The following RMND5A variants were observed in gnomAD, a reference collection of about 807,000 sequenced individuals.
The protein encoded by RMND5A is E3 ubiquitin-protein transferase RMND5A.
In RMND5A, 17 loss-of-function variants were observed where a neutral mutation model predicts 49.7. The observed-to-expected ratio is 0.34, with a 90% CI of 0.23 to 0.51. The LOEUF (loss-of-function observed/expected upper bound fraction) is 0.51. Among genes scored for constraint, RMND5A ranks in the 20% least tolerant of loss-of-function variants. The pLI, the probability that RMND5A is intolerant of heterozygous loss-of-function variation, is 0.96. For synonymous variants in RMND5A, 156 were observed against 167.7 expected, an observed-to-expected ratio of 0.93 and a Z score of 0.54; for missense variants, 255 against 471.3, an observed-to-expected ratio of 0.54 and a Z score of 4.25.
intron 6 of RMND5A, among the ~76,000 whole-genome samples, chr2:86,769,012 C>T (rs13411177): frequency 0.03 from 4,531 of 152,274 alleles, 145 homozygotes; most frequent in East Asian, 0.1. Flanking sequence ...GTGGCACGAT[C>T]GTGGCTCACT....
chr2:86,757,174 C>CAAAAAAAAAA lies in RMND5A; in HGVS notation c.521+3640_521+3649dup, dbSNP rs60710494. ...GGGCAACAAGAGTGAAACTCAGTCT[C>CAAAAAAAAAA]AAAAAAAAAAAAAAAAAAAAAAAAA... On this transcript the variant is annotated intron_variant, in intron 4 of 8. Coordinates refer to ENST00000283632, the MANE Select transcript of RMND5A (RefSeq NM_022780.4). Among the ~76,000 whole-genome samples the CAAAAAAAAAA allele has an allele frequency of 2.9e-4, 28 of 97,944 alleles. 1 individual carries two copies. Among genetic ancestry groups the CAAAAAAAAAA allele is most frequent in the African/African-American group, 5.7e-4 (14 of 24,674 alleles). 64.3% of individuals were successfully genotyped at this position (97,944 alleles called of 152,430 possible).
chr2:86,772,404 G>A (rs767533025), intron 8 of RMND5A, among the ~76,000 whole-genome samples: 3 of 152,062 alleles, frequency 2.0e-5, no homozygotes, highest in Non-Finnish European at 4.4e-5. Context: ...GCAGGGAGCC[G>A]AGATTGTGCC....
chr2:86,769,487 ATC>A (rs1672654539), intron 6 of RMND5A, among the ~76,000 whole-genome samples: 1 of 152,244 alleles, frequency 6.6e-6, no homozygotes, highest in African/African-American at 2.4e-5. Context: ...GTGCAAGAAC[ATC>A]TCTTTTTCCT....
At chr2:86,768,991 G>C (rs1386156661) in intron 6 of RMND5A, among the ~76,000 whole-genome samples, 1 of 152,136 alleles carries the variant, frequency 6.6e-6, no homozygotes, top group Non-Finnish European at 1.5e-5. Flanking sequence ...TGTTGCCCAG[G>C]TTGGAGTGCA....
chr2:86,748,460 AGT>A (rs1201871452), intron 2 of RMND5A: 1 of 152,226 alleles, frequency 6.6e-6, no homozygotes, highest in Admixed American at 6.5e-5. Flanking sequence ...GCAGCAAATA[AGT>A]TACGAGCTTG....
intron 4 of RMND5A, among the ~76,000 whole-genome samples, chr2:86,757,174 CAAA>C (rs60710494): frequency 2.0e-5 from 2 of 97,944 alleles, no homozygotes; most frequent in African/African-American, 8.1e-5. Context: ...AACTCAGTCT[CAAA>C]AAAAAAAAAA....
At chr2:86,742,855 A>C (rs1681473294) in intron 2 of RMND5A, among the ~76,000 whole-genome samples, 1 of 151,084 alleles carries the variant, frequency 6.6e-6, no homozygotes, top group Non-Finnish European at 1.5e-5. Flanking sequence ...AGAAGAGCTA[A>C]AGCTTCCAAG....
At chr2:86,728,288 A>G (rs1223438862) in intron 1 of RMND5A, among the ~76,000 whole-genome samples, 10 of 80,154 alleles carry the variant, frequency 1.2e-4, no homozygotes, top group African/African-American at 4.7e-4. Flanking sequence ...GAATCCTTGC[A>G]CTGCCAATTT....
At chr2:86,761,027 G>T (rs1672480318) in intron 4 of RMND5A, among the ~76,000 whole-genome samples, 1 of 151,320 alleles carries the variant, frequency 6.6e-6, no homozygotes, top group Non-Finnish European at 1.5e-5. Flanking sequence ...TACTATTCGG[G>T]CCAAATTGAT....
chr2:86,760,147 C>A (rs750792427), intron 4 of RMND5A, among the ~76,000 whole-genome samples: 1 of 152,014 alleles, frequency 6.6e-6, no homozygotes, highest in Non-Finnish European at 1.5e-5. Context: ...CGAGTTCAAG[C>A]GATTCTCCTG....
chr2:86,772,314 G>C (rs1039546433), intron 8 of RMND5A, among the ~76,000 whole-genome samples: 7 of 152,086 alleles, frequency 4.6e-5, no homozygotes, highest in African/African-American at 1.7e-4. Context: ...AATTAGCCGG[G>C]TGTGGTGGCG....
intron 2 of RMND5A, among the ~76,000 whole-genome samples, chr2:86,743,331 C>T (rs971769568): frequency 1.3e-5 from 2 of 150,474 alleles, no homozygotes; most frequent in Non-Finnish European, 2.9e-5. Flanking sequence ...TTCCTAATCA[C>T]ATATTTTAAT....
chr2:86,768,139 T>C (rs1280586597), intron 6 of RMND5A, among the ~76,000 whole-genome samples: 1 of 152,240 alleles, frequency 6.6e-6, no homozygotes, highest in Non-Finnish European at 1.5e-5. Flanking sequence ...TTTCTCATTT[T>C]AATTTCTAAT....
At position 86,773,415 on chromosome 2, in the gene RMND5A, G is replaced by C. The variant is rs1672714672; in HGVS notation, c.*4G>C. The stretch of plus-strand genomic sequence containing the variant: ...TGCCAAACAGATATTTTTCTGAAGA[G>C]ATAACTTTAGTTTGCAATTTGTAAG... On this transcript the variant is annotated 3_prime_UTR_variant, in exon 9 of 9. Transcript: ENST00000283632. The C allele has an allele frequency of 1.3e-6, 2 of 1,589,856 alleles. No homozygotes were observed. The highest frequency in any genetic ancestry group is 1.1e-5 in the South Asian group (1 of 90,474).
In RMND5A at chr2:86,775,702, C is replaced by G. The variant is rs376773010; in HGVS notation, c.*2291C>G. ...ACTGGGCAGGGTGAGGACCAAAAATCTGAAACTCTTATGAATCTGACATAT... is the reference window on the plus strand; with the variant it reads ...ACTGGGCAGGGTGAGGACCAAAAATGTGAAACTCTTATGAATCTGACATAT... On this transcript the variant is annotated 3_prime_UTR_variant, in exon 9 of 9. Coordinates refer to ENST00000283632, the MANE Select transcript of RMND5A (RefSeq NM_022780.4). 5 of 152,320 alleles carry G rather than the reference C, an allele frequency of 3.3e-5. No individual in the cohort carries two copies. The highest frequency in any genetic ancestry group is 9.6e-5 in the African/African-American group (4 of 41,562). The allele number at this position is 152,320 out of a possible 1,614,324, so 9.4% of individuals were successfully genotyped here.
Position 86,777,719 on chromosome 2 carries a change from A to G in RMND5A, c.*4308A>G, listed in dbSNP as rs535034753. The G allele has an allele frequency of 6.6e-5, 10 of 152,330 alleles. No individual in the cohort carries two copies. In the East Asian group the frequency reaches 1.3e-3, roughly 21 times the overall value. The allele number at this position is 152,330 out of a possible 1,614,324, so 9.4% of individuals were successfully genotyped here. ...AAAATTTTGATCAATTTTTTAAGAAATGTATCCTGTTTGCAAAGGCACAGT... is the reference window on the plus strand; with the variant it reads ...AAAATTTTGATCAATTTTTTAAGAAGTGTATCCTGTTTGCAAAGGCACAGT... On this transcript the variant is annotated 3_prime_UTR_variant, in exon 9 of 9. Coordinates refer to ENST00000283632, the MANE Select transcript of RMND5A (RefSeq NM_022780.4).
chr2:86,743,364 CTT>C (rs201954475), intron 2 of RMND5A, among the ~76,000 whole-genome samples: 328 of 142,146 alleles, frequency 2.3e-3, no homozygotes, highest in Non-Finnish European at 4.0e-3. Flanking sequence ...CTTTTGAGGA[CTT>C]TTTTTTTTTT....
At chr2:86,748,226 GC>G (rs1199904026) in intron 2 of RMND5A, 1 of 152,176 alleles carries the variant, frequency 6.6e-6, no homozygotes, top group East Asian at 1.9e-4. Context: ...GTAAGAACCT[GC>G]AGTTATAACA....
chr2:86,751,809 C>T, intron 2 of RMND5A, 87 bp from the exon 3 acceptor site: 4 of 1,344,632 alleles, frequency 3.0e-6, no homozygotes, highest in Non-Finnish European at 4.1e-6. Flanking sequence ...ATTGGGGTAT[C>T]TCAGACTGAA....
Sources: allele counts gnomAD v4.1 joint callset (sites outside exome capture counted in the v4.1 genomes callset), GRCh38; gene constraint gnomAD v4.1.1; transcripts MANE v1.5; gene names NCBI Gene and HGNC (gene_info 2026-07-23, HGNC 2026-07-21).